Variants in UBASH3B observed in about 807,000 individuals in gnomAD.
UBASH3B encodes the protein ubiquitin-associated and SH3 domain-containing protein B.
In UBASH3B, 37 loss-of-function variants were observed where a neutral mutation model predicts 83.4. That is an observed-to-expected ratio of 0.44 (90% CI 0.34 to 0.58). The LOEUF is 0.58. Ranked by LOEUF, UBASH3B falls within the 20% of genes least tolerant of loss-of-function variation. UBASH3B has a pLI of 0.01. For missense variants in UBASH3B, 657 were observed against 827.2 expected, an observed-to-expected ratio of 0.79 and a Z score of 2.52; for synonymous variants, 304 against 318.3, an observed-to-expected ratio of 0.96 and a Z score of 0.48.
intron 1 of UBASH3B, among the ~76,000 whole-genome samples, chr11:122,680,167 T>G (rs1226836496): frequency 6.6e-6 from 1 of 152,190 alleles, no homozygotes; most frequent in African/African-American, 2.4e-5. Flanking sequence ...AAAACCATCT[T>G]AGCTCACAGG....
intron 1 of UBASH3B, among the ~76,000 whole-genome samples, chr11:122,703,376 G>A (rs1591776986): frequency 6.6e-6 from 1 of 151,852 alleles, no homozygotes; most frequent in African/African-American, 2.4e-5. Flanking sequence ...GCAGTGGGCC[G>A]AGATTGTGCC....
chr11:122,786,193 G>T (rs556094873), intron 5 of UBASH3B, among the ~76,000 whole-genome samples: 172 of 152,162 alleles, frequency 1.1e-3, no homozygotes, highest in African/African-American at 3.9e-3. Context: ...GGGACTACAG[G>T]CACCTGCCAC....
At chr11:122,788,950 A>G in intron 5 of UBASH3B, 150 bp from the exon 6 acceptor site, 1 of 672,428 alleles carries the variant, frequency 1.5e-6, no homozygotes, top group East Asian at 2.5e-5. Flanking sequence ...AGGAATTCAC[A>G]TCTACTCAGG....
intron 1 of UBASH3B, among the ~76,000 whole-genome samples, chr11:122,771,678 GTTTA>G (rs146652053): frequency 0.083 from 12,519 of 151,492 alleles, 651 homozygotes; most frequent in Middle Eastern, 0.18. Flanking sequence ...CAACAGTTCT[GTTTA>G]TTTAGTAGTT....
chr11:122,738,986 G>A (rs1233680247), intron 1 of UBASH3B, among the ~76,000 whole-genome samples: 2 of 152,146 alleles, frequency 1.3e-5, no homozygotes, highest in Non-Finnish European at 2.9e-5. Context: ...GGAGTGGAAG[G>A]GTTTGTTTTG....
intron 1 of UBASH3B, among the ~76,000 whole-genome samples, chr11:122,772,502 G>A (rs1048873363): frequency 3.3e-5 from 5 of 152,168 alleles, no homozygotes; most frequent in Middle Eastern, 3.4e-3. Flanking sequence ...AAGAGAGAGA[G>A]GGAAGGAGGA....
At chr11:122,679,265 C>T (rs1415975700) in intron 1 of UBASH3B, among the ~76,000 whole-genome samples, 2 of 152,222 alleles carry the variant, frequency 1.3e-5, no homozygotes, top group African/African-American at 4.8e-5. Flanking sequence ...AATCCTGGTG[C>T]ACCAACGCAG....
Position 122,656,147 on chromosome 11 carries a change from G to A in UBASH3B, c.98G>A (p.Gly33Asp). ...TPRRNRQQRP[G>D]TIKHGSALDV... is the part of the protein sequence containing the mutation. Reference sequence around the variant, plus strand: ...CGGAGGAACCGCCAACAGCGCCCCGGCACCATCAAGCATGGATCGGCGCTG... The same window carrying A: ...CGGAGGAACCGCCAACAGCGCCCCGACACCATCAAGCATGGATCGGCGCTG... The change falls in exon 1 of 14, where the codon GGC becomes GAC. Residue 33 changes from glycine to aspartate, a missense_variant. Coordinates refer to ENST00000284273, the MANE Select transcript of UBASH3B (RefSeq NM_032873.5). 1 of 1,585,524 alleles carries A rather than the reference G, an allele frequency of 6.3e-7. No individual in the cohort carries two copies. The highest frequency in any genetic ancestry group is 8.6e-7 in the Non-Finnish European group (1 of 1,167,094).
chr11:122,673,600 A>G (rs1245749505), intron 1 of UBASH3B, among the ~76,000 whole-genome samples: 1 of 152,224 alleles, frequency 6.6e-6, no homozygotes, highest in Admixed American at 6.5e-5. Flanking sequence ...CAGAGCTTGC[A>G]GTGAGCCGAG....
At chr11:122,690,351 G>A (rs1863879394) in intron 1 of UBASH3B, among the ~76,000 whole-genome samples, 1 of 147,056 alleles carries the variant, frequency 6.8e-6, no homozygotes, top group Non-Finnish European at 1.5e-5. Context: ...AATACATGTA[G>A]AGTTCTTAGC....
intron 1 of UBASH3B, among the ~76,000 whole-genome samples, chr11:122,735,608 C>T (rs1305852435): frequency 6.6e-6 from 1 of 152,176 alleles, no homozygotes; most frequent in Admixed American, 6.5e-5. Context: ...TGGGAAATGC[C>T]CAGAGAGTTC....
chr11:122,694,935 TTTTTC>T (rs893507637), intron 1 of UBASH3B, among the ~76,000 whole-genome samples: 4 of 149,370 alleles, frequency 2.7e-5, no homozygotes, highest in South Asian at 2.1e-4. Flanking sequence ...ATTTTATTTA[TTTTTC>T]TTTTCTTTTC....
intron 1 of UBASH3B, among the ~76,000 whole-genome samples, chr11:122,736,786 ACACC>A (rs984381473): frequency 1.3e-5 from 2 of 152,126 alleles, no homozygotes; most frequent in African/African-American, 4.8e-5. Flanking sequence ...GTGGTGGTTC[ACACC>A]CGCAATCTCA....
chr11:122,812,435 A>G lies in UBASH3B; in HGVS notation c.*2549A>G, dbSNP rs948984477. 3 of 152,208 alleles carry G rather than the reference A, an allele frequency of 2.0e-5. No individual in the cohort carries two copies. Among genetic ancestry groups the G allele is most frequent in the African/African-American group, 7.2e-5 (3 of 41,450 alleles). The allele number at this position is 152,208 out of a possible 1,614,324, so 9.4% of individuals were successfully genotyped here. A position where few individuals can be genotyped will look rare whatever the true frequency, so the allele number is the denominator to read the frequency against. ...TTACTCAATTTCATATACATCCAAA[A>G]AGTATAGGCTAATATATATAACCTG... On this transcript the variant is annotated 3_prime_UTR_variant, in exon 14 of 14. Coordinates refer to ENST00000284273, the MANE Select transcript of UBASH3B (RefSeq NM_032873.5).
At chr11:122,807,599 G>A (rs1861363247) in intron 12 of UBASH3B, among the ~76,000 whole-genome samples, 1 of 152,074 alleles carries the variant, frequency 6.6e-6, no homozygotes, top group Non-Finnish European at 1.5e-5. Flanking sequence ...CACTCAGGCT[G>A]GAGCGCAGTG....
At chr11:122,660,111 G>A (rs556540245) in intron 1 of UBASH3B, among the ~76,000 whole-genome samples, 1 of 152,320 alleles carries the variant, frequency 6.6e-6, no homozygotes, top group South Asian at 2.1e-4. Context: ...TGCAGGGCTG[G>A]CTCAAGCAGG....
At chr11:122,662,603 GTAT>G (rs1863460569) in intron 1 of UBASH3B, among the ~76,000 whole-genome samples, 1 of 151,432 alleles carries the variant, frequency 6.6e-6, no homozygotes, top group African/African-American at 2.4e-5. Context: ...GGCTAATTTT[GTAT>G]TTTTAGTTGA....
rs761586134 is a variant in UBASH3B, at chr11:122,813,616, G to A, written c.*3730G>A. ...TGCAATCCAGCACACGTGTGAGAAA[G>A]AAGAGGCACTAGTCTAAAAGGCTGC... On this transcript the variant is annotated 3_prime_UTR_variant, in exon 14 of 14. Transcript: ENST00000284273. The A allele has an allele frequency of 5.9e-5, 9 of 152,336 alleles. No homozygotes were observed. The highest frequency in any genetic ancestry group is 1.2e-4 in the Non-Finnish European group (8 of 68,026). The allele number at this position is 152,336 out of a possible 1,614,324, so 9.4% of individuals were successfully genotyped here.
chr11:122,809,580 C>T (rs1317077366), intron 13 of UBASH3B, among the ~76,000 whole-genome samples, 169 bp from the exon 14 acceptor site: 1 of 152,166 alleles, frequency 6.6e-6, no homozygotes, highest in African/African-American at 2.4e-5. Flanking sequence ...ACCAGTTTTA[C>T]CCATTTTATT....
Sources: allele counts gnomAD v4.1 joint callset (sites outside exome capture counted in the v4.1 genomes callset), GRCh38; gene constraint gnomAD v4.1.1; transcripts MANE v1.5; gene names NCBI Gene and HGNC (gene_info 2026-07-23, HGNC 2026-07-21).